Variants in PTPN14 observed in about 807,000 individuals in gnomAD.
PTPN14 encodes the protein protein tyrosine phosphatase non-receptor type 14.
Under a neutral mutation model 126.8 loss-of-function variants are expected in PTPN14, and 53 were observed. The observed-to-expected ratio is 0.42, with a 90% CI of 0.34 to 0.53. PTPN14 has a LOEUF of 0.53. PTPN14 is among the 20% of genes least tolerant of loss of function. The pLI, the probability that PTPN14 is intolerant of heterozygous loss-of-function variation, is 0.08. For synonymous variants in PTPN14, 630 were observed against 599.3 expected, an observed-to-expected ratio of 1.05 and a Z score of -0.75; for missense variants, 1,257 against 1,552.9, an observed-to-expected ratio of 0.81 and a Z score of 3.20.
chr1:214,514,882 T>G (rs1032470133), intron 1 of PTPN14, among the ~76,000 whole-genome samples: 1 of 152,146 alleles, frequency 6.6e-6, no homozygotes, highest in Admixed American at 6.5e-5. Context: ...AAACCCAGCA[T>G]GTGGACCAGA....
intron 1 of PTPN14, among the ~76,000 whole-genome samples, chr1:214,487,124 C>T (rs61819644): frequency 0.073 from 11,089 of 152,112 alleles, 500 homozygotes; most frequent in South Asian, 0.12. Flanking sequence ...TATACTAAAA[C>T]AAATTCAAGT....
rs1655591458 is a variant in PTPN14, at chr1:214,532,924, G to T, written c.-155+18259C>A. 23 of 841,156 alleles carry T rather than the reference G, an allele frequency of 2.7e-5. No homozygotes were observed. In the South Asian group the frequency reaches 3.0e-4, roughly 11 times the overall value. 52.1% of individuals were successfully genotyped at this position (841,156 alleles called of 1,614,324 possible). ...ATCTCAGGACCTCGCCACGATCATG[G>T]CAGACATCTGGGCCCAATATGACAA... is the stretch of plus-strand genomic sequence containing the variant. On this transcript the variant is annotated intron_variant, in intron 1 of 18. Coordinates refer to ENST00000366956, the MANE Select transcript of PTPN14 (RefSeq NM_005401.5).
chr1:214,478,740 T>A (rs1660920022), intron 1 of PTPN14, among the ~76,000 whole-genome samples: 1 of 152,270 alleles, frequency 6.6e-6, no homozygotes. Flanking sequence ...TTCTCATTTA[T>A]CTTCACACGT....
At chr1:214,433,366 T>C (rs898556852) in intron 3 of PTPN14, among the ~76,000 whole-genome samples, 4 of 151,758 alleles carry the variant, frequency 2.6e-5, no homozygotes, top group African/African-American at 9.7e-5. Context: ...ACAAATGACA[T>C]GAGGAAGTGG....
In PTPN14 at chr1:214,350,132, T is replaced by A. The variant is rs1383343139; in HGVS notation, c.*7790A>T. 1 of 152,234 alleles carries A rather than the reference T, an allele frequency of 6.6e-6. No homozygotes were observed. Among genetic ancestry groups the A allele is most frequent in the Non-Finnish European group, 1.5e-5 (1 of 68,046 alleles). 9.4% of individuals were successfully genotyped at this position (152,234 alleles called of 1,614,324 possible). A position where few individuals can be genotyped will look rare whatever the true frequency, so the allele number is the denominator to read the frequency against. ...GGGAAGAAAATGAAGATAGCTTACA[T>A]ACAGATTTTGGATGACCCGCTAATC... On this transcript the variant is annotated 3_prime_UTR_variant, in exon 19 of 19. Coordinates refer to ENST00000366956, the MANE Select transcript of PTPN14 (RefSeq NM_005401.5).
At chr1:214,452,446 A>G (rs1252805016) in intron 2 of PTPN14, among the ~76,000 whole-genome samples, 1 of 152,158 alleles carries the variant, frequency 6.6e-6, no homozygotes, top group Admixed American at 6.5e-5. Context: ...ACTGTAGAAT[A>G]TTTTCATACA....
intron 2 of PTPN14, among the ~76,000 whole-genome samples, chr1:214,456,684 A>G (rs1660390647): frequency 2.0e-5 from 3 of 152,232 alleles, no homozygotes; most frequent in African/African-American, 4.8e-5. Flanking sequence ...CGACTCACCT[A>G]GAATACACAG....
intron 6 of PTPN14, 58 bp downstream of exon 6, chr1:214,402,825 C>T (rs894204919): frequency 2.5e-6 from 4 of 1,572,366 alleles, no homozygotes; most frequent in African/African-American, 1.4e-5. Flanking sequence ...ATGCCTCCTG[C>T]CCCATGGGCT....
Position 214,551,445 on chromosome 1 carries a change from G to C in PTPN14, c.-417C>G, listed in dbSNP as rs1203484278. The C allele has an allele frequency of 6.6e-6, 1 of 152,656 alleles. No homozygotes were observed. The highest frequency in any genetic ancestry group is 1.5e-5 in the Non-Finnish European group (1 of 68,428). 9.5% of individuals were successfully genotyped at this position (152,656 alleles called of 1,614,324 possible). A position where few individuals can be genotyped will look rare whatever the true frequency, so the allele number is the denominator to read the frequency against. On this transcript the variant is annotated 5_prime_UTR_variant, in exon 1 of 19. Coordinates refer to ENST00000366956, the MANE Select transcript of PTPN14 (RefSeq NM_005401.5). ...CGAGGAGGCCGGGGAGGATGGCTCA[G>C]CTGGGAGGGGAAGGAGCGCCAGTGG... is the stretch of plus-strand genomic sequence containing the variant.
intron 3 of PTPN14, 119 bp downstream of exon 3, chr1:214,451,686 C>CCACCACACACCCGCACCCA (rs1394738610): frequency 1.7e-6 from 2 of 1,189,100 alleles, no homozygotes; most frequent in Non-Finnish European, 2.3e-6. Flanking sequence ...ACCCTCTCCC[C>CCACCACACACCCGCACCCA]CACCACACAC....
At chr1:214,415,795 A>C (rs533580415) in intron 3 of PTPN14, among the ~76,000 whole-genome samples, 15 of 152,282 alleles carry the variant, frequency 9.9e-5, no homozygotes, top group African/African-American at 3.6e-4. Context: ...TGGGTGTACT[A>C]AACAGGATAA....
rs1660572964 is a variant in PTPN14 at position 214,464,180 on chromosome 1, G to A, written c.174+450C>T. Among the ~76,000 whole-genome samples, 8 of 39,978 alleles carry A rather than the reference G, an allele frequency of 2.0e-4. No individual in the cohort carries two copies. In the South Asian group the frequency reaches 5.2e-3, roughly 26 times the overall value. 26.2% of individuals were successfully genotyped at this position (39,978 alleles called of 152,430 possible). A position where few individuals can be genotyped will look rare whatever the true frequency, so the allele number is the denominator to read the frequency against. On this transcript the variant is annotated intron_variant, in intron 2 of 18. Coordinates refer to ENST00000366956, the MANE Select transcript of PTPN14 (RefSeq NM_005401.5). The stretch of plus-strand genomic sequence containing the variant: ...AATGCTTTTTCTCTTTATTCGGTGG[G>A]GTTTTTTTTTTTTTAGAGGAAAATA...
chr1:214,458,119 A>G (rs1458254937), intron 2 of PTPN14, among the ~76,000 whole-genome samples: 1 of 152,116 alleles, frequency 6.6e-6, no homozygotes, highest in Non-Finnish European at 1.5e-5. Context: ...GTATGTTAAT[A>G]GCTCACTGCA....
At chr1:214,509,652 G>T (rs1654923625) in intron 1 of PTPN14, among the ~76,000 whole-genome samples, 1 of 152,122 alleles carries the variant, frequency 6.6e-6, no homozygotes, top group South Asian at 2.1e-4. Context: ...GGCACAAGAG[G>T]ATTATAAATC....
chr1:214,534,649 C>G (rs955656497), intron 1 of PTPN14, among the ~76,000 whole-genome samples: 3 of 151,866 alleles, frequency 2.0e-5, no homozygotes, highest in African/African-American at 7.3e-5. Context: ...GGAGGCGGAG[C>G]TTGCAGTGAG....
At chr1:214,423,616 C>T (rs1022190074) in intron 3 of PTPN14, among the ~76,000 whole-genome samples, 1 of 152,222 alleles carries the variant, frequency 6.6e-6, no homozygotes, top group African/African-American at 2.4e-5. Context: ...TTCATCACTG[C>T]AGGTGCCCCT....
chr1:214,390,933 T>C (rs1658735414), intron 11 of PTPN14, 55 bp downstream of exon 11: 9 of 1,357,714 alleles, frequency 6.6e-6, no homozygotes, highest in South Asian at 1.7e-5. Flanking sequence ...CTCAAATTAA[T>C]AACAAAGAAT....
chr1:214,439,230 C>G (rs1489969834), intron 3 of PTPN14, among the ~76,000 whole-genome samples: 1 of 152,208 alleles, frequency 6.6e-6, no homozygotes, highest in Non-Finnish European at 1.5e-5. Flanking sequence ...AATTTTCCAT[C>G]AGTATCCTCA....
intron 2 of PTPN14, among the ~76,000 whole-genome samples, chr1:214,461,699 C>T (rs1433540351): frequency 6.6e-6 from 1 of 151,918 alleles, no homozygotes; most frequent in Non-Finnish European, 1.5e-5. Context: ...AATCCCAGCA[C>T]TTTGGGAGAC....
Sources: allele counts gnomAD v4.1 joint callset (sites outside exome capture counted in the v4.1 genomes callset), GRCh38; gene constraint gnomAD v4.1.1; transcripts MANE v1.5; gene names NCBI Gene and HGNC (gene_info 2026-07-23, HGNC 2026-07-21).